Variants in DRC11 observed in about 807,000 individuals in gnomAD.
DRC11 encodes dynein regulatory complex subunit 11.
chr2:236,491,031 GTATATATATATACAGTA>G, the DRC11 span, among the ~76,000 whole-genome samples: 1 of 133,640 alleles, frequency 7.5e-6, no homozygotes, highest in East Asian at 2.1e-4. Context: ...ATATATGTGT[GTATATATATATACAGTA>G]TATATATATA....
At chr2:236,348,061 G>A in the DRC11 span, among the ~76,000 whole-genome samples, 18 of 152,262 alleles carry the variant, frequency 1.2e-4, no homozygotes, top group East Asian at 5.8e-4. The surrounding 1 kb of genome is among the most constrained non-coding windows in gnomAD (Gnocchi z 7.4). Context: ...GAACTCTCTC[G>A]TCTTCTCTCT....
chr2:236,441,614 C>A, the DRC11 span, among the ~76,000 whole-genome samples: 2 of 152,098 alleles, frequency 1.3e-5, no homozygotes, highest in African/African-American at 4.8e-5. Context: ...TTTCCATAAT[C>A]ACATAATTTC....
chr2:236,406,970 C>G, the DRC11 span, among the ~76,000 whole-genome samples: 1 of 152,198 alleles, frequency 6.6e-6, no homozygotes, highest in African/African-American at 2.4e-5. This position sits in a 1 kb window ranked among gnomAD's most constrained non-coding sequence, Gnocchi z 4.7. Flanking sequence ...TGGTCTCAAT[C>G]TCTTGACCTC....
At chr2:236,407,299 T>C in the DRC11 span, among the ~76,000 whole-genome samples, 1 of 152,198 alleles carries the variant, frequency 6.6e-6, no homozygotes, top group African/African-American at 2.4e-5. Context: ...GGAAAGAGCT[T>C]CTTGGTTATG....
At chr2:236,368,210 G>A in the DRC11 span, 5 of 1,607,182 alleles carry the variant, frequency 3.1e-6, no homozygotes, top group East Asian at 2.2e-5. Flanking sequence ...GCCAGATTCC[G>A]TACAATGTGA....
the DRC11 span, chr2:236,368,233 C>T: frequency 6.2e-7 from 1 of 1,611,366 alleles, no homozygotes; most frequent in Non-Finnish European, 8.5e-7. Flanking sequence ...AGCTGTCTGA[C>T]ATCCAGGAGG....
the DRC11 span, among the ~76,000 whole-genome samples, chr2:236,357,755 AAT>A: frequency 2.8e-4 from 36 of 126,790 alleles, no homozygotes; most frequent in African/African-American, 1.1e-3. Flanking sequence ...TAAATATATA[AAT>A]ATACATATAC....
At chr2:236,401,541 T>G in the DRC11 span, among the ~76,000 whole-genome samples, 66,317 of 151,988 alleles carry the variant, frequency 0.44, 14,990 homozygotes, top group African/African-American at 0.5. The surrounding 1 kb of genome is among the most constrained non-coding windows in gnomAD (Gnocchi z 4.6). Flanking sequence ...TGGATAAATG[T>G]GTAAATACAA....
At chr2:236,376,730 A>T in the DRC11 span, among the ~76,000 whole-genome samples, 1 of 152,118 alleles carries the variant, frequency 6.6e-6, no homozygotes, top group African/African-American at 2.4e-5. This position sits in a 1 kb window ranked among gnomAD's most constrained non-coding sequence, Gnocchi z 5.7. Flanking sequence ...TCCAGTAAGG[A>T]TTCTGTTGTG....
At chr2:236,442,705 G>T in the DRC11 span, among the ~76,000 whole-genome samples, 1 of 152,180 alleles carries the variant, frequency 6.6e-6, no homozygotes, top group Non-Finnish European at 1.5e-5. Context: ...ATATTGAAAA[G>T]CACATTAATT....
chr2:236,407,629 C>T, the DRC11 span, among the ~76,000 whole-genome samples: 1 of 152,164 alleles, frequency 6.6e-6, no homozygotes, highest in Non-Finnish European at 1.5e-5. Flanking sequence ...TATCGCTCTC[C>T]TATTGATTTT....
At chr2:236,459,564 TATATGTGTATAC>T in the DRC11 span, among the ~76,000 whole-genome samples, 65 of 142,352 alleles carry the variant, frequency 4.6e-4, 3 homozygotes, top group African/African-American at 7.8e-4. Context: ...TGTATACGTA[TATATGTGTATAC>T]ATACGTATAT....
At chr2:236,478,237 T>C in the DRC11 span, among the ~76,000 whole-genome samples, 1 of 152,192 alleles carries the variant, frequency 6.6e-6, no homozygotes, top group Admixed American at 6.5e-5. This position sits in a 1 kb window ranked among gnomAD's most constrained non-coding sequence, Gnocchi z 5.9. Context: ...GATTTTCATA[T>C]GTTGGTTTCA....
At chr2:236,356,950 TATATC>T in the DRC11 span, among the ~76,000 whole-genome samples, 5 of 133,864 alleles carry the variant, frequency 3.7e-5, no homozygotes, top group South Asian at 6.5e-4. Context: ...TATATATTCA[TATATC>T]ATAAATATAT....
the DRC11 span, among the ~76,000 whole-genome samples, chr2:236,348,226 C>T: frequency 6.6e-6 from 1 of 152,170 alleles, no homozygotes; most frequent in Non-Finnish European, 1.5e-5. This position sits in a 1 kb window ranked among gnomAD's most constrained non-coding sequence, Gnocchi z 7.4. Flanking sequence ...AGCTGGCAAT[C>T]CGGAGTTCTA....
At chr2:236,324,540 T>C in the DRC11 span, 1 of 584,854 alleles carries the variant, frequency 1.7e-6, no homozygotes. The surrounding 1 kb of genome is among the most constrained non-coding windows in gnomAD (Gnocchi z 5.7). Context: ...ACCTGCACAC[T>C]GCTAAGTTCC....
At chr2:236,331,387 A>G in the DRC11 span, 44 of 1,613,552 alleles carry the variant, frequency 2.7e-5, no homozygotes, top group Non-Finnish European at 3.7e-5. This position sits in a 1 kb window ranked among gnomAD's most constrained non-coding sequence, Gnocchi z 4.8. Context: ...CTCTTTGTAC[A>G]CTGGATTCAT....
chr2:236,383,419 C>A, the DRC11 span, among the ~76,000 whole-genome samples: 1 of 151,582 alleles, frequency 6.6e-6, no homozygotes, highest in Non-Finnish European at 1.5e-5. Flanking sequence ...TTCCTATTGT[C>A]TATCTATTCT....
chr2:236,475,734 G>T, the DRC11 span, among the ~76,000 whole-genome samples: 1 of 152,104 alleles, frequency 6.6e-6, no homozygotes, highest in Non-Finnish European at 1.5e-5. This position sits in a 1 kb window ranked among gnomAD's most constrained non-coding sequence, Gnocchi z 4.8. Context: ...AATGTACTTT[G>T]ATTTGATTTT....
Sources: gnomAD v4.1 joint callset for allele counts (sites outside exome capture counted in the v4.1 genomes callset) on GRCh38, gnomAD v4.1.1 for gene constraint, Gnocchi (gnomAD v3.1) non-coding constraint, MANE v1.5 for transcripts, NCBI Gene and HGNC (gene_info 2026-07-23, HGNC 2026-07-21) for gene names.